The following CEP170 variants were observed in gnomAD, a reference collection of about 807,000 sequenced individuals.
CEP170 encodes the protein centrosomal protein of 170 kDa.
Under a neutral mutation model 151.9 loss-of-function variants are expected in CEP170, and 21 were observed. The observed-to-expected ratio is 0.14, with a 90% CI of 0.10 to 0.20. The LOEUF (loss-of-function observed/expected upper bound fraction) is 0.20. Ranked by LOEUF, CEP170 falls within the 10% of genes least tolerant of loss-of-function variation. The probability of loss-of-function intolerance (pLI) is 1.00; values close to 1 mark genes in which losing one functional copy is unlikely to be tolerated. For synonymous variants in CEP170, 356 were observed against 648.8 expected (o/e 0.55, Z 6.86); for missense variants, 964 against 1,892.9 (o/e 0.51, Z 9.11).
At chr1:243,135,364 G>A (rs991139527) in intron 17 of CEP170, among the ~76,000 whole-genome samples, 4 of 152,072 alleles carry the variant, frequency 2.6e-5, no homozygotes, top group South Asian at 4.2e-4. Flanking sequence ...CCGCCACCAC[G>A]CCCGGCTAAT....
At position 243,129,457 on chromosome 1, in the gene CEP170, T is replaced by C. The variant is rs755776235; in HGVS notation, c.4320-4A>G. ...ATCTTTGTCTTTAAATAATATTCTA[T>C]AAATCAAAAAACATAAGCATATAAC... On this transcript the variant is annotated splice_region_variant and splice_polypyrimidine_tract_variant and intron_variant, in intron 17 of 19. Transcript: ENST00000366542. 13 of 1,467,002 alleles carry C rather than the reference T, an allele frequency of 8.9e-6. No homozygotes were observed. Among genetic ancestry groups the C allele is most frequent in the Non-Finnish European group, 1.1e-5 (12 of 1,085,074 alleles). The allele number at this position is 1,467,002 out of a possible 1,614,324, so 90.9% of individuals were successfully genotyped here. A position where few individuals can be genotyped will look rare whatever the true frequency, so the allele number is the denominator to read the frequency against.
chr1:243,132,649 C>T (rs1326688716), intron 17 of CEP170, among the ~76,000 whole-genome samples: 2 of 152,172 alleles, frequency 1.3e-5, no homozygotes, highest in Non-Finnish European at 2.9e-5. Context: ...ATCAATCCAT[C>T]AGCAATGTCT....
At chr1:243,146,422 T>C (rs889183404) in intron 14 of CEP170, among the ~76,000 whole-genome samples, 5 of 152,192 alleles carry the variant, frequency 3.3e-5, no homozygotes, top group Non-Finnish European at 5.9e-5. Context: ...TGAAGAGCCA[T>C]ATTATTTTTA....
At chr1:243,225,386 A>C in intron 1 of CEP170, 65 bp from the exon 2 acceptor site, 1 of 595,158 alleles carries the variant, frequency 1.7e-6, no homozygotes, top group Non-Finnish European at 2.8e-6. Context: ...TATTCACCAA[A>C]CACTGGAAGG....
intron 6 of CEP170, among the ~76,000 whole-genome samples, chr1:243,200,282 A>G (rs1358865919): frequency 6.6e-6 from 1 of 152,154 alleles, no homozygotes; most frequent in Non-Finnish European, 1.5e-5. Flanking sequence ...AAGGATGACC[A>G]TATTTACTTC....
chr1:243,205,258 C>T (rs1273438533), intron 4 of CEP170, among the ~76,000 whole-genome samples: 1 of 152,108 alleles, frequency 6.6e-6, no homozygotes, highest in Non-Finnish European at 1.5e-5. Context: ...ACCCAGTGCC[C>T]ACACATAGGG....
At chr1:243,198,442 G>A (rs1230329817) in intron 7 of CEP170, among the ~76,000 whole-genome samples, 1 of 152,074 alleles carries the variant, frequency 6.6e-6, no homozygotes, top group East Asian at 1.9e-4. Context: ...ATTACAATGA[G>A]CACACTGAGG....
chr1:243,195,421 G>A (rs1290556520), intron 7 of CEP170, among the ~76,000 whole-genome samples: 1 of 151,908 alleles, frequency 6.6e-6, no homozygotes, highest in Admixed American at 6.6e-5. Flanking sequence ...TCTGGAGAAC[G>A]AAATTGCTCT....
At position 243,159,715 on chromosome 1, in the gene CEP170, C is replaced by A. The variant is rs528379995; in HGVS notation, c.3677-3260G>T. Among the ~76,000 whole-genome samples, 245 of 150,022 alleles carry A rather than the reference C, an allele frequency of 1.6e-3. 2 individuals carry two copies. The highest frequency in any genetic ancestry group is 5.8e-3 in the African/African-American group (234 of 40,670). On this transcript the variant is annotated intron_variant, in intron 13 of 19. Coordinates refer to ENST00000366542, the MANE Select transcript of CEP170 (RefSeq NM_014812.3). The stretch of plus-strand genomic sequence containing the variant: ...GGACTCCCAGAGTTCAAAACGAATT[C>A]TCTGTTATTCCAAGTGTTGTATACA...
intron 1 of CEP170, among the ~76,000 whole-genome samples, chr1:243,248,132 G>A (rs1222980375): frequency 6.6e-6 from 1 of 152,186 alleles, no homozygotes; most frequent in Non-Finnish European, 1.5e-5. Flanking sequence ...GAACATTCAT[G>A]TTGATAAACC....
chr1:243,134,685 A>G (rs1460690088), intron 17 of CEP170, among the ~76,000 whole-genome samples: 1 of 138,924 alleles, frequency 7.2e-6, no homozygotes, highest in African/African-American at 2.7e-5. Context: ...TTTTTTTTTT[A>G]ATCTCGCTTT....
chr1:243,134,511 T>G (rs1358762991), intron 17 of CEP170, among the ~76,000 whole-genome samples: 1 of 152,124 alleles, frequency 6.6e-6, no homozygotes, highest in Non-Finnish European at 1.5e-5. Flanking sequence ...CTATTGCTGT[T>G]TTTTGAGATA....
At chr1:243,135,336 A>C (rs1202153525) in intron 17 of CEP170, among the ~76,000 whole-genome samples, 1 of 152,024 alleles carries the variant, frequency 6.6e-6, no homozygotes, top group Non-Finnish European at 1.5e-5. Context: ...CCTCCCGAGT[A>C]ACTGGGACTA....
chr1:243,217,379 A>AACCTAAAAC (rs2148953784), intron 3 of CEP170, among the ~76,000 whole-genome samples: 1 of 152,360 alleles, frequency 6.6e-6, no homozygotes, highest in Non-Finnish European at 1.5e-5. Flanking sequence ...TGTCTCTAAT[A>AACCTAAAAC]ACCTAAAACA....
chr1:243,169,018 T>G (rs1281074145), intron 12 of CEP170, among the ~76,000 whole-genome samples: 80 of 150,600 alleles, frequency 5.3e-4, no homozygotes, highest in Non-Finnish European at 7.4e-5. Context: ...ATATATGTGC[T>G]TCATCTTTCT....
chr1:243,231,197 ATTATTAT>A (rs2063729835), intron 1 of CEP170, among the ~76,000 whole-genome samples: 1 of 150,222 alleles, frequency 6.7e-6, no homozygotes, highest in Non-Finnish European at 1.5e-5. Context: ...CATCATTATT[ATTATTAT>A]TATCATCATT....
At position 243,126,525 on chromosome 1, in the gene CEP170, G is replaced by T; in HGVS notation, c.4679C>A (p.Ser1560Tyr). 1.2e-6 allele frequency: 2 copies of T among 1,604,134 alleles called. No homozygotes were observed. The highest frequency in any genetic ancestry group is 1.7e-6 in the Non-Finnish European group (2 of 1,174,628). Reference sequence around the variant, plus strand: ...GAAATGTATACTGAAATCAGCCTCAGATTCAGCATTCTCAAATTCAGCTGC... The same window carrying T: ...GAAATGTATACTGAAATCAGCCTCATATTCAGCATTCTCAAATTCAGCTGC... ...SAAAEFENAE[S>Y]EADFSIHFNR... The change falls in exon 20 of 20, where the codon TCT (serine) becomes TAT (tyrosine). Residue 1560 changes from serine to tyrosine, a missense_variant. Transcript: ENST00000366542.
rs1205988042 is a variant in CEP170, at chr1:243,140,040, G to A, written c.4127C>T (p.Thr1376Ile). ...AGATCGACCGTTGTTTCCTTCTGGTGTTTTGGAATGAACTAATGGAGGAAT... is the reference window on the plus strand; with the variant it reads ...AGATCGACCGTTGTTTCCTTCTGGTATTTTGGAATGAACTAATGGAGGAAT... ...RKIPPLVHSK[T>I]PEGNNGRSGD... Residue 1376 changes from threonine to isoleucine, a missense_variant, in exon 16 of 20, where the codon ACA (threonine) becomes ATA (isoleucine). Coordinates refer to ENST00000366542, the MANE Select transcript of CEP170 (RefSeq NM_014812.3). The A allele has an allele frequency of 8.1e-6, 13 of 1,613,838 alleles. No homozygotes were observed. Among genetic ancestry groups the A allele is most frequent in the African/African-American group, 1.3e-5 (1 of 74,934 alleles).
At chr1:243,196,370 C>G (rs187703805) in intron 7 of CEP170, among the ~76,000 whole-genome samples, 1 of 152,132 alleles carries the variant, frequency 6.6e-6, no homozygotes, top group East Asian at 1.9e-4. Flanking sequence ...TCTTTATCTA[C>G]AAAATCACCG....
Sources: allele counts gnomAD v4.1 joint callset (sites outside exome capture counted in the v4.1 genomes callset), GRCh38; gene constraint gnomAD v4.1.1; transcripts MANE v1.5; gene names NCBI Gene and HGNC (gene_info 2026-07-23, HGNC 2026-07-21).